CALN1: variants seen among roughly 807,000 people sequenced by gnomAD.
The protein encoded by CALN1 is calcium-binding protein 8.
A neutral mutation model predicts 30.6 loss-of-function variants in CALN1; 17 were observed. The ratio of observed to expected loss-of-function variants is 0.56; its 90% confidence interval spans 0.38 to 0.83. The LOEUF is 0.83. CALN1 is among the 40% of genes least tolerant of loss of function. The probability of loss-of-function intolerance (pLI) is 0.00; values close to 1 mark genes in which losing one functional copy is unlikely to be tolerated. For missense variants in CALN1, 291 were observed against 354.9 expected (o/e 0.82, Z 1.45); for synonymous variants, 156 against 131.4 (o/e 1.19, Z -1.28).
intron 5 of CALN1, among the ~76,000 whole-genome samples, chr7:71,859,534 A>G (rs1791152219): frequency 6.6e-6 from 1 of 152,230 alleles, no homozygotes; most frequent in Non-Finnish European, 1.5e-5. Context: ...ACCCTTGGCT[A>G]TATGAGTTTG....
At position 72,263,007 on chromosome 7, in the gene CALN1, G is replaced by T. The variant is rs541249520; in HGVS notation, c.244+15679C>A. Among the ~76,000 whole-genome samples the T allele has an allele frequency of 2.0e-5, 3 of 152,362 alleles. No individual in the cohort carries two copies. The South Asian group carries it at 6.2e-4, about 32-fold the overall frequency. On this transcript the variant is annotated intron_variant, in intron 3 of 6. Coordinates refer to ENST00000395275, the MANE Select transcript of CALN1 (RefSeq NM_031468.4). ...CAGTTAGAGGCATTTACATTGTGAA[G>T]TGGGCCTGTCCTGGCAGAACAATTG...
intron 4 of CALN1, among the ~76,000 whole-genome samples, chr7:72,030,087 T>A (rs1801337800): frequency 6.6e-6 from 1 of 152,218 alleles, no homozygotes; most frequent in Non-Finnish European, 1.5e-5. Flanking sequence ...GAATTCAATT[T>A]AATTGTAGGA....
intron 4 of CALN1, among the ~76,000 whole-genome samples, chr7:72,024,091 T>G (rs941763550): frequency 3.3e-5 from 5 of 152,184 alleles, no homozygotes; most frequent in African/African-American, 1.2e-4. Flanking sequence ...CAGTTGTACA[T>G]GATGGAAGTG....
At chr7:72,483,250 T>A in the CALN1 span, among the ~76,000 whole-genome samples, 1 of 144,128 alleles carries the variant, frequency 6.9e-6, no homozygotes, top group Admixed American at 6.8e-5. Context: ...GTTTGTTTGG[T>A]TTGGTTTGGT....
At chr7:72,360,583 T>C (rs1803512160) in intron 2 of CALN1, among the ~76,000 whole-genome samples, 1 of 150,838 alleles carries the variant, frequency 6.6e-6, no homozygotes, top group Non-Finnish European at 1.5e-5. Flanking sequence ...GAGAAATAAA[T>C]ACTGTAACAC....
At chr7:72,127,661 G>A (rs1808860974) in intron 3 of CALN1, among the ~76,000 whole-genome samples, 1 of 152,120 alleles carries the variant, frequency 6.6e-6, no homozygotes, top group South Asian at 2.1e-4. Flanking sequence ...AGGGCTCCAA[G>A]GTTTCTGACT....
chr7:72,339,017 A>G (rs1467270686), intron 2 of CALN1, among the ~76,000 whole-genome samples: 1 of 123,464 alleles, frequency 8.1e-6, no homozygotes, highest in Non-Finnish European at 1.6e-5. Context: ...CTCTATGTCC[A>G]TGAGTTCAAT....
In CALN1 at chr7:72,127,299, G is replaced by A. The variant is rs544396481; in HGVS notation, c.245-21005C>T. Among the ~76,000 whole-genome samples the A allele has an allele frequency of 7.2e-5, 11 of 152,250 alleles. No individual in the cohort carries two copies. In the East Asian group the frequency reaches 2.1e-3, roughly 30 times the overall value. ...GTTGGAGGAACAGCAAGGATACTGAGTCACTGGGTTGGGGTGGAGTGAGTC... is the reference window on the plus strand; with the variant it reads ...GTTGGAGGAACAGCAAGGATACTGAATCACTGGGTTGGGGTGGAGTGAGTC... On this transcript the variant is annotated intron_variant, in intron 3 of 6. Transcript: ENST00000395275.
At chr7:72,081,049 C>T (rs1805102405) in intron 4 of CALN1, among the ~76,000 whole-genome samples, 3 of 152,064 alleles carry the variant, frequency 2.0e-5, no homozygotes, top group South Asian at 4.1e-4. Flanking sequence ...ACAATGCACC[C>T]ACGCTCACTT....
At chr7:72,305,432 G>C (rs1799584517) in intron 2 of CALN1, among the ~76,000 whole-genome samples, 1 of 152,284 alleles carries the variant, frequency 6.6e-6, no homozygotes, top group South Asian at 2.1e-4. Context: ...GGATTTAATT[G>C]TGATGAATTT....
Position 72,231,169 on chromosome 7 carries a change from C to T in CALN1, c.244+47517G>A, listed in dbSNP as rs76396927. On this transcript the variant is annotated intron_variant, in intron 3 of 6. Transcript: ENST00000395275. ...TTCTGGTGTACATGCACAGGATGTG[C>T]AGGTTTGTTACATAGGTAAACATGC... Among the ~76,000 whole-genome samples the T allele has an allele frequency of 6.6e-5, 10 of 152,118 alleles. No homozygotes were observed. In the East Asian group the frequency reaches 1.4e-3, roughly 21 times the overall value.
Position 72,136,362 on chromosome 7 carries a change from T to C in CALN1, c.245-30068A>G, listed in dbSNP as rs1163104735. Among the ~76,000 whole-genome samples, 3 of 152,164 alleles carry C rather than the reference T, an allele frequency of 2.0e-5. No individual in the cohort carries two copies. In the East Asian group the frequency reaches 5.8e-4, roughly 29 times the overall value. ...ACCAACCTTTGCTAGCGTCAAACTTTTTTTCTGCAGCTTCCTTTCCTCTCT... is the reference window on the plus strand; with the variant it reads ...ACCAACCTTTGCTAGCGTCAAACTTCTTTTCTGCAGCTTCCTTTCCTCTCT... On this transcript the variant is annotated intron_variant, in intron 3 of 6. Transcript: ENST00000395275.
intron 4 of CALN1, among the ~76,000 whole-genome samples, chr7:72,101,441 A>G (rs1271584184): frequency 6.6e-6 from 1 of 152,216 alleles, no homozygotes; most frequent in African/African-American, 2.4e-5. Context: ...CCAGCTTTTC[A>G]GAAATATCTC....
intron 3 of CALN1, among the ~76,000 whole-genome samples, chr7:72,271,575 A>ATATATATATATATATATATATAT (rs1554345806): frequency 2.9e-4 from 15 of 52,118 alleles, no homozygotes; most frequent in African/African-American, 1.9e-3. Flanking sequence ...AAAAAAAAAA[A>ATATATATATATATATATATATAT]ATATATATAT....
At chr7:72,340,717 A>C (rs1478156626) in intron 2 of CALN1, among the ~76,000 whole-genome samples, 1 of 152,168 alleles carries the variant, frequency 6.6e-6, no homozygotes, top group Non-Finnish European at 1.5e-5. Flanking sequence ...TCCCCTCCCA[A>C]ATCACATACT....
chr7:72,174,348 C>T (rs1293687937), intron 3 of CALN1, among the ~76,000 whole-genome samples: 2 of 152,146 alleles, frequency 1.3e-5, no homozygotes, highest in Non-Finnish European at 2.9e-5. Context: ...GTCAAATATC[C>T]ATCTATCATG....
At chr7:72,037,459 A>G (rs1801871176) in intron 4 of CALN1, among the ~76,000 whole-genome samples, 1 of 152,120 alleles carries the variant, frequency 6.6e-6, no homozygotes, top group South Asian at 2.1e-4. Context: ...CTCCTTTCAT[A>G]ATTTTTGATA....
chr7:72,079,016 T>C (rs1278911442), intron 4 of CALN1, among the ~76,000 whole-genome samples: 3 of 152,224 alleles, frequency 2.0e-5, no homozygotes, highest in Admixed American at 1.3e-4. Flanking sequence ...AAGTCAGTCC[T>C]GTTGAGCACT....
At chr7:72,396,237 A>T (rs867866895) in intron 2 of CALN1, among the ~76,000 whole-genome samples, 1 of 81,762 alleles carries the variant, frequency 1.2e-5, no homozygotes, top group African/African-American at 9.3e-5. Flanking sequence ...GTCTCTACTA[A>T]AAAAAAAAAA....
Sources: allele counts gnomAD v4.1 joint callset (sites outside exome capture counted in the v4.1 genomes callset), GRCh38; gene constraint gnomAD v4.1.1; transcripts MANE v1.5; gene names NCBI Gene and HGNC (gene_info 2026-07-23, HGNC 2026-07-21).